The following MTMR7 variants were observed in gnomAD, a reference collection of about 807,000 sequenced individuals.
MTMR7 encodes the protein myotubularin related protein 7.
Under a neutral mutation model 81.2 loss-of-function variants are expected in MTMR7, and 76 were observed. The observed-to-expected ratio is 0.94, with a 90% confidence interval of 0.78 to 1.13. The LOEUF (loss-of-function observed/expected upper bound fraction) is 1.13. Among genes scored for constraint, MTMR7 ranks in the 50% most tolerant of loss-of-function variants. The pLI, the probability that MTMR7 is intolerant of heterozygous loss-of-function variation, is 0.00. For synonymous variants in MTMR7, 372 were observed against 289.8 expected (o/e 1.28, Z -2.88); for missense variants, 1,044 against 820.0 (o/e 1.27, Z -3.34).
chr8:17,379,094 A>C (rs1263964474), intron 1 of MTMR7, among the ~76,000 whole-genome samples: 1 of 152,154 alleles, frequency 6.6e-6, no homozygotes, highest in Non-Finnish European at 1.5e-5. Context: ...AGCAGAGATA[A>C]TATTTTAAGA....
At chr8:17,411,979 G>T (rs1203504114) in intron 1 of MTMR7, among the ~76,000 whole-genome samples, 3 of 152,148 alleles carry the variant, frequency 2.0e-5, no homozygotes, top group Non-Finnish European at 2.9e-5. Flanking sequence ...CACCCTTCTG[G>T]AATAAATTAT....
At chr8:17,317,787 C>T (rs1342633132) in intron 7 of MTMR7, among the ~76,000 whole-genome samples, 2 of 152,150 alleles carry the variant, frequency 1.3e-5, no homozygotes, top group African/African-American at 4.8e-5. Flanking sequence ...ATACTTCCGC[C>T]ATAAATTGCA....
intron 5 of MTMR7, among the ~76,000 whole-genome samples, chr8:17,348,297 T>G (rs1250776875): frequency 1.3e-5 from 2 of 151,738 alleles, no homozygotes; most frequent in African/African-American, 4.8e-5. Flanking sequence ...CAGCACTTTG[T>G]GAGGCCGAGG....
chr8:17,300,570 A>T (rs1177794207), intron 13 of MTMR7, among the ~76,000 whole-genome samples: 2 of 152,242 alleles, frequency 1.3e-5, no homozygotes, highest in African/African-American at 4.8e-5. Flanking sequence ...ATTTTTTAGA[A>T]ATCATGAATG....
chr8:17,345,729 T>G (rs1192315793), intron 5 of MTMR7, among the ~76,000 whole-genome samples: 2 of 152,266 alleles, frequency 1.3e-5, no homozygotes, highest in African/African-American at 2.4e-5. Context: ...CAGGGGCCTT[T>G]ATATTGAACA....
intron 5 of MTMR7, chr8:17,346,104 T>A (rs1443091856): frequency 6.6e-6 from 1 of 152,220 alleles, no homozygotes; most frequent in South Asian, 2.1e-4. Flanking sequence ...TTTCAGTGTC[T>A]TCCATTAAGC....
intron 4 of MTMR7, among the ~76,000 whole-genome samples, chr8:17,357,753 G>T (rs74772487): frequency 4.6e-5 from 7 of 152,206 alleles, no homozygotes; most frequent in Admixed American, 2.0e-4. Flanking sequence ...TGATGCTGGA[G>T]CAAGAGACAA....
chr8:17,357,435 T>C (rs900142577), intron 4 of MTMR7, among the ~76,000 whole-genome samples: 1 of 152,182 alleles, frequency 6.6e-6, no homozygotes, highest in African/African-American at 2.4e-5. Context: ...GCAGACCAAG[T>C]ACAGACAGTA....
chr8:17,389,674 T>C lies in MTMR7; in HGVS notation c.25-16434A>G, dbSNP rs181639186. ...ATGATTAACCCAGAATGCTTTATTA[T>C]TGAATTTGACTTTTCAGACAGGAAG... On this transcript the variant is annotated intron_variant, in intron 1 of 13. Transcript: ENST00000180173. Among the ~76,000 whole-genome samples the C allele has an allele frequency of 2.3e-3, 357 of 152,354 alleles. 5 individuals are homozygous for C. Among genetic ancestry groups the C allele is most frequent in the Non-Finnish European group, 8.4e-4 (57 of 68,028 alleles).
At chr8:17,411,022 A>C (rs1821721968) in intron 1 of MTMR7, among the ~76,000 whole-genome samples, 1 of 152,194 alleles carries the variant, frequency 6.6e-6, no homozygotes, top group African/African-American at 2.4e-5. Context: ...AGCAAATAAT[A>C]AAGATGAATA....
At chr8:17,302,000 T>G (rs1444680997) in intron 13 of MTMR7, 154 bp downstream of exon 13, 36 of 965,250 alleles carry the variant, frequency 3.7e-5, no homozygotes, top group African/African-American at 5.0e-5. Context: ...TTCGGTTATC[T>G]GAGTCCTGAC....
chr8:17,345,256 C>A (rs2150545299), intron 5 of MTMR7, among the ~76,000 whole-genome samples: 1 of 152,336 alleles, frequency 6.6e-6, no homozygotes, highest in African/African-American at 2.4e-5. Context: ...GTAAGGTTCC[C>A]AAGTGAAACA....
At chr8:17,326,683 T>C (rs1818698555) in intron 7 of MTMR7, among the ~76,000 whole-genome samples, 1 of 152,202 alleles carries the variant, frequency 6.6e-6, no homozygotes, top group African/African-American at 2.4e-5. Context: ...ACAGCCAACA[T>C]GTGGGGCCCT....
intron 1 of MTMR7, among the ~76,000 whole-genome samples, chr8:17,388,983 A>C (rs1821026319): frequency 2.6e-5 from 4 of 152,222 alleles, no homozygotes; most frequent in Admixed American, 2.6e-4. Context: ...GGAAATGAGT[A>C]TAAAGCAGAA....
At chr8:17,326,860 T>C (rs1432766563) in intron 7 of MTMR7, among the ~76,000 whole-genome samples, 1 of 152,196 alleles carries the variant, frequency 6.6e-6, no homozygotes, top group Non-Finnish European at 1.5e-5. Flanking sequence ...ACTCCTGCCC[T>C]ACAGAAACCA....
intron 4 of MTMR7, chr8:17,349,522 G>C: frequency 6.0e-6 from 1 of 166,356 alleles, no homozygotes; most frequent in Admixed American, 5.5e-5. Context: ...CTGTGGCTCT[G>C]ACACGCCCAG....
chr8:17,348,076 C>T (rs1457489353), intron 5 of MTMR7, among the ~76,000 whole-genome samples: 3 of 152,074 alleles, frequency 2.0e-5, no homozygotes, highest in Admixed American at 6.5e-5. Flanking sequence ...GGTAATTTTA[C>T]GCAACAGAAA....
rs535188466 is a variant in MTMR7, at chr8:17,331,128, T to A, written c.865+22A>T. On this transcript the variant is annotated intron_variant, in intron 7 of 13. Transcript: ENST00000180173. Reference sequence around the variant, plus strand: ...AAAATACTTAACTGCATTTTAATGCTGTGCATAAGGAAATGGTTTACCTTC... The same window carrying A: ...AAAATACTTAACTGCATTTTAATGCAGTGCATAAGGAAATGGTTTACCTTC... 1.9e-6 allele frequency: 3 copies of A among 1,599,818 alleles called. No homozygotes were observed. In the South Asian group the frequency reaches 3.4e-5, roughly 18 times the overall value.
intron 13 of MTMR7, among the ~76,000 whole-genome samples, chr8:17,300,796 C>A (rs550856110): frequency 1.3e-5 from 2 of 152,340 alleles, no homozygotes; most frequent in South Asian, 4.1e-4. Flanking sequence ...CAGCCCCTGG[C>A]TACTACTGAT....
Sources: allele counts gnomAD v4.1 joint callset (sites outside exome capture counted in the v4.1 genomes callset), GRCh38; gene constraint gnomAD v4.1.1; transcripts MANE v1.5; gene names NCBI Gene and HGNC (gene_info 2026-07-23, HGNC 2026-07-21).